Variants in TPST2 observed in about 807,000 individuals in gnomAD.
The protein encoded by TPST2 is tyrosylprotein sulfotransferase 2, also known as protein-tyrosine sulfotransferase 2.
Under a neutral mutation model 27.8 loss-of-function variants are expected in TPST2, and 16 were observed. The ratio of observed to expected loss-of-function variants is 0.58; its 90% CI spans 0.39 to 0.88. TPST2 has a LOEUF of 0.88. TPST2 is among the 40% of genes least tolerant of loss of function. The pLI is 0.00. For synonymous variants in TPST2, 229 were observed against 231.7 expected (o/e 0.99, Z 0.10); for missense variants, 464 against 543.1 (o/e 0.85, Z 1.45).
chr22:26,583,645 G>C (rs1284699434), intron 1 of TPST2, among the ~76,000 whole-genome samples: 3 of 151,826 alleles, frequency 2.0e-5, no homozygotes, highest in Admixed American at 2.0e-4. Context: ...TTCGAGACCA[G>C]CCTGGCCAAT....
Position 26,561,319 on chromosome 22 carries a change from G to A in TPST2, c.-160-16644C>T, listed in dbSNP as rs1161326405. On this transcript the variant is annotated intron_variant, in intron 1 of 6. Coordinates refer to ENST00000338754, the MANE Select transcript of TPST2 (RefSeq NM_003595.5). ...TTTTTTGTATAGTTAACACACTACC[G>A]AATGTGTCTTTAGATAGCCCTGTCC... 2.0e-5 allele frequency among the ~76,000 whole-genome samples: 3 copies of A among 152,086 alleles called. No homozygotes were observed. The East Asian group carries it at 5.8e-4, about 29-fold the overall frequency.
chr22:26,551,218 A>T (rs1926452310), intron 1 of TPST2, among the ~76,000 whole-genome samples: 1 of 152,210 alleles, frequency 6.6e-6, no homozygotes, highest in Non-Finnish European at 1.5e-5. Flanking sequence ...CCTGGGAGGC[A>T]GAGGTTGCAG....
intron 1 of TPST2, among the ~76,000 whole-genome samples, chr22:26,559,105 G>A (rs927994931): frequency 9.2e-5 from 14 of 152,244 alleles, no homozygotes; most frequent in Middle Eastern, 3.2e-3. Flanking sequence ...GGTGGCCCAC[G>A]CCTGTAATCC....
At chr22:26,573,192 C>A (rs1927698678) in intron 1 of TPST2, among the ~76,000 whole-genome samples, 1 of 152,208 alleles carries the variant, frequency 6.6e-6, no homozygotes, top group African/African-American at 2.4e-5. Context: ...CACCACCACA[C>A]CTGGCTAATT....
At chr22:26,546,521 T>C (rs192166556) in intron 1 of TPST2, among the ~76,000 whole-genome samples, 247 of 152,332 alleles carry the variant, frequency 1.6e-3, no homozygotes, top group Non-Finnish European at 3.1e-3. Flanking sequence ...GCAGCTCCCA[T>C]GGCCCACGAG....
chr22:26,528,088 A>G (rs1924937875), intron 6 of TPST2, 126 bp downstream of exon 6: 1 of 1,090,618 alleles, frequency 9.2e-7, no homozygotes. Flanking sequence ...GGGCTGGGTC[A>G]GCCCACCCTA....
At chr22:26,553,576 G>T (rs1312391344) in intron 1 of TPST2, among the ~76,000 whole-genome samples, 3 of 151,920 alleles carry the variant, frequency 2.0e-5, no homozygotes, top group East Asian at 1.9e-4. Flanking sequence ...TCACTATGTT[G>T]CCCAGGCCAG....
chr22:26,543,554 G>A (rs1287426592), intron 2 of TPST2, among the ~76,000 whole-genome samples: 2 of 152,096 alleles, frequency 1.3e-5, no homozygotes, highest in African/African-American at 4.8e-5. Flanking sequence ...TGATCTGCCC[G>A]CCTCAGCCTC....
At chr22:26,536,578 G>C in intron 3 of TPST2, 92 bp from the exon 4 acceptor site, 1 of 1,261,744 alleles carries the variant, frequency 7.9e-7, no homozygotes, top group Non-Finnish European at 1.1e-6. Context: ...CAGCAGGAAA[G>C]ACTGGAGAAA....
rs894217238 is a variant in TPST2, at chr22:26,547,963, C to T, written c.-160-3288G>A. On this transcript the variant is annotated intron_variant, in intron 1 of 6. Transcript: ENST00000338754. ...GACTAGTAATTTTTGAATTGTATGC[C>T]ATACATGTTATGGGCCCAGACTGCT... Among the ~76,000 whole-genome samples the T allele has an allele frequency of 7.6e-4, 116 of 152,218 alleles. 2 individuals are homozygous for T. Among genetic ancestry groups the T allele is most frequent in the East Asian group, 3.9e-4 (2 of 5,182 alleles).
chr22:26,573,169 G>C (rs1176959731), intron 1 of TPST2, among the ~76,000 whole-genome samples: 1 of 152,120 alleles, frequency 6.6e-6, no homozygotes, highest in Non-Finnish European at 1.5e-5. Flanking sequence ...GAGTAGAGAG[G>C]ACCACAGGTA....
At chr22:26,562,974 T>C (rs569196516) in intron 1 of TPST2, among the ~76,000 whole-genome samples, 1 of 152,268 alleles carries the variant, frequency 6.6e-6, no homozygotes, top group African/African-American at 2.4e-5. Flanking sequence ...GATCATCTCA[T>C]GGGTAGAGCC....
chr22:26,567,571 T>C (rs953614322), intron 1 of TPST2, among the ~76,000 whole-genome samples: 8 of 152,242 alleles, frequency 5.3e-5, no homozygotes, highest in African/African-American at 1.7e-4. Context: ...GTGAAGCTTG[T>C]CCTGGATTCC....
intron 1 of TPST2, among the ~76,000 whole-genome samples, chr22:26,575,500 A>G (rs1380900059): frequency 6.6e-6 from 1 of 152,068 alleles, no homozygotes; most frequent in Non-Finnish European, 1.5e-5. Context: ...CAGCGACACT[A>G]TCATTTCTAT....
intron 1 of TPST2, among the ~76,000 whole-genome samples, chr22:26,553,424 T>G (rs1399051270): frequency 6.7e-6 from 1 of 150,342 alleles, no homozygotes; most frequent in African/African-American, 2.5e-5. Context: ...AAGGCTGGAG[T>G]GCAGTGGAGT....
intron 1 of TPST2, among the ~76,000 whole-genome samples, chr22:26,549,469 C>A (rs1352817001): frequency 6.8e-6 from 1 of 147,840 alleles, no homozygotes. Context: ...CCATCCTGGC[C>A]AACACAGTGA....
At chr22:26,584,196 G>A (rs958811607) in intron 1 of TPST2, among the ~76,000 whole-genome samples, 1 of 152,226 alleles carries the variant, frequency 6.6e-6, no homozygotes, top group African/African-American at 2.4e-5. Context: ...GAGAGGGGAA[G>A]CTCCTTGCCC....
At chr22:26,578,843 T>A (rs1296400263) in intron 1 of TPST2, among the ~76,000 whole-genome samples, 1 of 149,062 alleles carries the variant, frequency 6.7e-6, no homozygotes, top group African/African-American at 2.6e-5. Context: ...TGGACCCTAT[T>A]TCTTTCTTTC....
At chr22:26,536,018 A>G in intron 4 of TPST2, 1 of 579,866 alleles carries the variant, frequency 1.7e-6, no homozygotes, top group Non-Finnish European at 3.3e-6. Flanking sequence ...ATAAAATTAG[A>G]GAAATAAGAT....
Sources: gnomAD v4.1 joint callset for allele counts (sites outside exome capture counted in the v4.1 genomes callset) on GRCh38, gnomAD v4.1.1 for gene constraint, MANE v1.5 for transcripts, NCBI Gene and HGNC (gene_info 2026-07-23, HGNC 2026-07-21) for gene names.